Variants in C12orf60 observed in about 807,000 individuals in gnomAD.
The protein encoded by C12orf60 is uncharacterized protein C12orf60.
For synonymous variants in C12orf60, 102 were observed against 94.6 expected (o/e 1.08, Z -0.45); for missense variants, 284 against 283.2 (o/e 1.00, Z -0.02).
In C12orf60 at chr12:14,823,399, ACTTCT is replaced by A; in HGVS notation, c.465_469del (p.Asp155GlufsTer15). 1 of 1,614,092 alleles carries A rather than the reference ACTTCT, an allele frequency of 6.2e-7. No homozygotes were observed. Among genetic ancestry groups the A allele is most frequent in the South Asian group, 1.1e-5 (1 of 91,084 alleles). ...CCCATCATGAATCTTCAATTAAGTG[ACTTCT>A]ATACAGAAGACACCAAAGAGCAATC... On this transcript the variant is annotated frameshift_variant, in exon 2 of 2. Coordinates refer to ENST00000330828, the MANE Select transcript of C12orf60 (RefSeq NM_175874.4). LOFTEE classifies it low-confidence loss of function (END_TRUNC).
chr12:14,806,057 T>C, intron 1 of C12orf60: 2 of 1,614,176 alleles, frequency 1.2e-6, no homozygotes, highest in Non-Finnish European at 1.7e-6. Context: ...CATGATTATA[T>C]TTTTCTGAGG....
chr12:14,822,668 G>A (rs182393210), intron 1 of C12orf60, among the ~76,000 whole-genome samples: 3 of 152,104 alleles, frequency 2.0e-5, no homozygotes, highest in Admixed American at 1.3e-4. Flanking sequence ...CCATATATTC[G>A]GGATCCAGCA....
chr12:14,822,840 T>G, intron 1 of C12orf60, 72 bp from the exon 2 acceptor site: 1 of 1,330,570 alleles, frequency 7.5e-7, no homozygotes, highest in Non-Finnish European at 1.0e-6. Flanking sequence ...ATATTTAGAC[T>G]ATACTTTCAG....
At chr12:14,810,462 G>T (rs961922632) in intron 1 of C12orf60, among the ~76,000 whole-genome samples, 1 of 152,190 alleles carries the variant, frequency 6.6e-6, no homozygotes. Context: ...TCATATGCCA[G>T]CACCACTCTG....
intron 1 of C12orf60, among the ~76,000 whole-genome samples, chr12:14,819,118 A>T (rs1312243570): frequency 6.6e-6 from 1 of 152,114 alleles, no homozygotes; most frequent in Non-Finnish European, 1.5e-5. Flanking sequence ...CCATGGACAG[A>T]GTTTGAGTTG....
intron 1 of C12orf60, among the ~76,000 whole-genome samples, chr12:14,820,983 T>C (rs1950296663): frequency 6.6e-6 from 1 of 152,144 alleles, no homozygotes; most frequent in African/African-American, 2.4e-5. Flanking sequence ...ATTTTGTTGC[T>C]AGTATATAGA....
At chr12:14,807,843 A>AG (rs1289462992) in intron 1 of C12orf60, among the ~76,000 whole-genome samples, 2 of 152,164 alleles carry the variant, frequency 1.3e-5, no homozygotes, top group Admixed American at 6.5e-5. Flanking sequence ...AGTGAACGTC[A>AG]GAAAAAAAAT....
At chr12:14,808,134 C>T (rs967808904) in intron 1 of C12orf60, among the ~76,000 whole-genome samples, 4 of 151,460 alleles carry the variant, frequency 2.6e-5, no homozygotes, top group Non-Finnish European at 5.9e-5. Context: ...CACTGCACTC[C>T]AGCCTGGGCA....
At chr12:14,816,036 C>T (rs750929013) in intron 1 of C12orf60, among the ~76,000 whole-genome samples, 16 of 152,230 alleles carry the variant, frequency 1.1e-4, no homozygotes, top group Admixed American at 6.5e-4. Context: ...CAATCAGTTT[C>T]TCAGGTTGAA....
At chr12:14,816,407 C>T (rs148588334) in intron 1 of C12orf60, among the ~76,000 whole-genome samples, 101 of 152,214 alleles carry the variant, frequency 6.6e-4, no homozygotes, top group Middle Eastern at 3.4e-3. Context: ...GATTCAATTA[C>T]GATTGTTTCA....
intron 1 of C12orf60, among the ~76,000 whole-genome samples, chr12:14,819,600 G>T (rs920620755): frequency 6.6e-6 from 1 of 152,056 alleles, no homozygotes; most frequent in African/African-American, 2.4e-5. Context: ...CCCAATCCTG[G>T]GGGGTAGCAA....
intron 1 of C12orf60, among the ~76,000 whole-genome samples, chr12:14,817,415 A>C (rs1027432759): frequency 2.0e-5 from 3 of 152,168 alleles, no homozygotes; most frequent in Non-Finnish European, 4.4e-5. Context: ...GGTTTGTTAC[A>C]CAGGTATACA....
chr12:14,812,215 C>T (rs191120507), intron 1 of C12orf60, among the ~76,000 whole-genome samples: 1 of 152,152 alleles, frequency 6.6e-6, no homozygotes, highest in Non-Finnish European at 1.5e-5. Context: ...GAGGCCGAGG[C>T]GGGCGGATCA....
intron 1 of C12orf60, among the ~76,000 whole-genome samples, chr12:14,819,516 G>A (rs1415605901): frequency 6.6e-6 from 1 of 151,828 alleles, no homozygotes; most frequent in Non-Finnish European, 1.5e-5. Context: ...TCTTTTTCTT[G>A]TCCCACATCA....
intron 1 of C12orf60, among the ~76,000 whole-genome samples, chr12:14,818,861 A>C (rs938925545): frequency 3.3e-5 from 5 of 152,240 alleles, no homozygotes; most frequent in African/African-American, 1.2e-4. Context: ...AGGTTGGTCT[A>C]CATATCACCA....
At chr12:14,810,115 A>G (rs1950113309) in intron 1 of C12orf60, among the ~76,000 whole-genome samples, 1 of 152,226 alleles carries the variant, frequency 6.6e-6, no homozygotes, top group Admixed American at 6.5e-5. Flanking sequence ...CCTTATAATG[A>G]AAAAGGACTT....
chr12:14,808,564 A>AT (rs1382352643), intron 1 of C12orf60, among the ~76,000 whole-genome samples: 2 of 152,114 alleles, frequency 1.3e-5, no homozygotes, highest in Non-Finnish European at 2.9e-5. Context: ...AGGAATGAAG[A>AT]TTTTTTTCTT....
Position 14,815,469 on chromosome 12 carries a change from A to G in C12orf60, c.-24-7443A>G, listed in dbSNP as rs549197920. 2.6e-5 allele frequency among the ~76,000 whole-genome samples: 4 copies of G among 152,356 alleles called. 1 individual carries two copies. The South Asian group carries it at 8.3e-4, about 32-fold the overall frequency. On this transcript the variant is annotated intron_variant, in intron 1 of 1. Transcript: ENST00000330828. ...GGGAACAAAAACCAACCTGCTGGTG[A>G]TACAGGGTGTAAGTGGGAGCAGTTA...
intron 1 of C12orf60, chr12:14,806,635 C>G (rs764180671): frequency 6.2e-7 from 1 of 1,611,178 alleles, no homozygotes; most frequent in Admixed American, 1.7e-5. Context: ...TTTACTTCTT[C>G]CCGCCTTTTT....
Sources: gnomAD v4.1 joint callset for allele counts (sites outside exome capture counted in the v4.1 genomes callset) on GRCh38, gnomAD v4.1.1 for gene constraint, MANE v1.5 for transcripts, NCBI Gene and HGNC (gene_info 2026-07-23, HGNC 2026-07-21) for gene names.